Variants in SLC66A2 observed in about 807,000 individuals in gnomAD.
SLC66A2 encodes solute carrier family 66 member 2.
A neutral mutation model predicts 25.5 loss-of-function variants in SLC66A2; 23 were observed. The observed-to-expected ratio is 0.90, with a 90% CI of 0.65 to 1.28. SLC66A2 has a LOEUF of 1.28. Ranked by LOEUF, SLC66A2 falls within the 50% of genes most tolerant of loss-of-function variation. The pLI is 0.00. For synonymous variants in SLC66A2, 193 were observed against 166.5 expected, an observed-to-expected ratio of 1.16 and a Z score of -1.23; for missense variants, 396 against 373.1, an observed-to-expected ratio of 1.06 and a Z score of -0.51.
rs144206607 is a variant in SLC66A2, at chr18:79,934,641, C to T, written c.338-619G>A. On this transcript the variant is annotated intron_variant, in intron 3 of 5. Transcript: ENST00000397778. ...GGTTATAAGTCAACCTTCCTATCTG[C>T]GCAGCCCCAGGACAAGACAGCAGCC... is the stretch of plus-strand genomic sequence containing the variant. 5.3e-3 allele frequency among the ~76,000 whole-genome samples: 806 copies of T among 152,284 alleles called. 4 individuals are homozygous for T. Among genetic ancestry groups the T allele is most frequent in the African/African-American group, 0.019 (773 of 41,556 alleles).
At chr18:79,933,900 G>A (rs1444024962) in intron 4 of SLC66A2, 69 bp downstream of exon 4, 1 of 1,380,010 alleles carries the variant, frequency 7.2e-7, no homozygotes, top group Non-Finnish European at 1.0e-6. Flanking sequence ...GCAACAACAG[G>A]AGGAAGTACA....
chr18:79,913,719 T>G lies in SLC66A2; in HGVS notation c.608+5465A>C, dbSNP rs190698284. Reference sequence around the variant, plus strand: ...GCTACGAGATCAACTCGGGAATTCTTGAGTCACTTCCTATCAAACATCCTA... The same window carrying G: ...GCTACGAGATCAACTCGGGAATTCTGGAGTCACTTCCTATCAAACATCCTA... On this transcript the variant is annotated intron_variant, in intron 5 of 5. Coordinates refer to ENST00000397778, the MANE Select transcript of SLC66A2 (RefSeq NM_025078.5). 9.9e-5 allele frequency among the ~76,000 whole-genome samples: 15 copies of G among 152,236 alleles called. No individual in the cohort carries two copies. In the East Asian group the frequency reaches 2.7e-3, roughly 27 times the overall value.
intron 4 of SLC66A2, among the ~76,000 whole-genome samples, chr18:79,929,559 T>G (rs1986353410): frequency 6.6e-6 from 1 of 152,152 alleles, no homozygotes; most frequent in African/African-American, 2.4e-5. Context: ...CAGAAAAGTG[T>G]GGTTCACACA....
chr18:79,912,420 A>G (rs1009293599), intron 5 of SLC66A2, among the ~76,000 whole-genome samples: 1 of 152,180 alleles, frequency 6.6e-6, no homozygotes, highest in Non-Finnish European at 1.5e-5. Context: ...AAGGAAAGAA[A>G]CGCTGACCCC....
At chr18:79,947,160 T>G (rs939879469) in intron 2 of SLC66A2, 2 of 152,280 alleles carry the variant, frequency 1.3e-5, no homozygotes, top group African/African-American at 4.8e-5. Context: ...CAGCCCAGTG[T>G]GGCCTGATCC....
chr18:79,911,867 A>G (rs189037818), intron 5 of SLC66A2, among the ~76,000 whole-genome samples: 436 of 52,620 alleles, frequency 8.3e-3, no homozygotes, highest in South Asian at 0.014. Context: ...TAGCAGGAGG[A>G]GATGGCAGCA....
chr18:79,919,625 AC>A (rs571341293), intron 4 of SLC66A2, among the ~76,000 whole-genome samples: 2 of 6,690 alleles, frequency 3.0e-4, no homozygotes, highest in Non-Finnish European at 0.014. Context: ...TGGAGGAGAG[AC>A]AGGAACCGAG....
chr18:79,903,796 G>A lies in SLC66A2; in HGVS notation c.*180C>T, dbSNP rs1224303483. On this transcript the variant is annotated 3_prime_UTR_variant, in exon 6 of 6. Transcript: ENST00000397778. ...GCTGTCCCCGCTGAGCACAAACAGC[G>A]TCCCAGCCCCACCCCCACTGCCCAC... 4.1e-5 allele frequency: 24 copies of A among 578,854 alleles called. No homozygotes were observed. The highest frequency in any genetic ancestry group is 7.0e-5 in the South Asian group (3 of 42,766). The allele number at this position is 578,854 out of a possible 1,614,324, so 35.9% of individuals were successfully genotyped here.
chr18:79,949,821 T>A (rs1255318139), intron 2 of SLC66A2: 1 of 152,200 alleles, frequency 6.6e-6, no homozygotes, highest in African/African-American at 2.4e-5. Flanking sequence ...CACCTTCCAA[T>A]CTGCCCGGAC....
chr18:79,942,138 C>G (rs1022790492), intron 3 of SLC66A2, among the ~76,000 whole-genome samples: 2 of 152,224 alleles, frequency 1.3e-5, no homozygotes, highest in African/African-American at 4.8e-5. Flanking sequence ...CCGGCTGGTT[C>G]TTAAAAGCCT....
rs1453948227 is a variant in SLC66A2, at chr18:79,918,816, C to T, written c.608+368G>A. Among the ~76,000 whole-genome samples the T allele has an allele frequency of 6.6e-6, 1 of 152,216 alleles. No individual in the cohort carries two copies. The highest frequency in any genetic ancestry group is 1.5e-5 in the Non-Finnish European group (1 of 68,024). ...GTGTCCAAGGCAGCCCCCAGACCAC[C>T]TTCCCTGCCCCACCAGACCCGCCCT... On this transcript the variant is annotated intron_variant, in intron 5 of 5. Transcript: ENST00000397778. The surrounding 1 kb of genome is among the most constrained non-coding windows in gnomAD (Gnocchi z 4.0).
intron 2 of SLC66A2, 126 bp from the exon 3 acceptor site, chr18:79,943,588 C>T (rs1282174302): frequency 2.6e-6 from 3 of 1,168,086 alleles, no homozygotes; most frequent in Non-Finnish European, 3.6e-6. Flanking sequence ...CAGTCCTGAA[C>T]CTGCAGCCGG....
chr18:79,933,379 G>A (rs1482333746), intron 4 of SLC66A2, among the ~76,000 whole-genome samples: 2 of 152,152 alleles, frequency 1.3e-5, no homozygotes, highest in African/African-American at 2.4e-5. Flanking sequence ...TGAAGAATAA[G>A]ATAGGTGCAT....
At chr18:79,947,961 C>T (rs952409757) in intron 2 of SLC66A2, among the ~76,000 whole-genome samples, 1 of 152,108 alleles carries the variant, frequency 6.6e-6, no homozygotes, top group African/African-American at 2.4e-5. Flanking sequence ...GTGTGGAGTG[C>T]AGGGATGGCG....
intron 5 of SLC66A2, chr18:79,915,421 C>T (rs766839272): frequency 4.6e-5 from 7 of 152,324 alleles, no homozygotes; most frequent in African/African-American, 1.4e-4. Context: ...CACTCCGAGC[C>T]GACCCGACGC....
intron 4 of SLC66A2, among the ~76,000 whole-genome samples, chr18:79,926,506 C>T (rs1044727985): frequency 1.3e-5 from 2 of 152,064 alleles, no homozygotes; most frequent in African/African-American, 4.8e-5. Context: ...ACCCTCGGGA[C>T]CCACAGATCG....
At chr18:79,911,760 G>A (rs1267832986) in intron 5 of SLC66A2, among the ~76,000 whole-genome samples, 3 of 138,430 alleles carry the variant, frequency 2.2e-5, no homozygotes, top group Admixed American at 2.1e-4. Context: ...AGGGGACGCA[G>A]CAGGGAAGGG....
At chr18:79,915,245 G>C (rs1029016322) in intron 5 of SLC66A2, 1 of 152,268 alleles carries the variant, frequency 6.6e-6, no homozygotes, top group Non-Finnish European at 1.5e-5. Flanking sequence ...AACTGGGCCT[G>C]GGGAGGGCTG....
intron 4 of SLC66A2, among the ~76,000 whole-genome samples, chr18:79,922,130 AAAT>A (rs915425102): frequency 6.6e-6 from 1 of 152,006 alleles, no homozygotes; most frequent in African/African-American, 2.4e-5. Flanking sequence ...GCCTTGGTAC[AAAT>A]AATAACTCAA....
Sources: allele counts gnomAD v4.1 joint callset (sites outside exome capture counted in the v4.1 genomes callset), GRCh38; gene constraint gnomAD v4.1.1; non-coding constraint Gnocchi (gnomAD v3.1); transcripts MANE v1.5; gene names NCBI Gene and HGNC (gene_info 2026-07-23, HGNC 2026-07-21).